COL9A3: variants seen among roughly 807,000 people sequenced by gnomAD.
The protein encoded by COL9A3 is collagen alpha-3(IX) chain.
Under a neutral mutation model 110.2 loss-of-function variants are expected in COL9A3, and 82 were observed. That is an observed-to-expected ratio of 0.74 (90% CI 0.62 to 0.89). The LOEUF is 0.89. Ranked by LOEUF, COL9A3 falls within the 40% of genes least tolerant of loss-of-function variation. COL9A3 has a pLI of 0.00. For missense variants in COL9A3, 1,066 were observed against 981.3 expected (o/e 1.09, Z -1.15); for synonymous variants, 494 against 403.8 (o/e 1.22, Z -2.68).
intron 26 of COL9A3, among the ~76,000 whole-genome samples, chr20:62,835,120 C>T (rs2063625323): frequency 1.3e-5 from 2 of 152,372 alleles, no homozygotes; most frequent in Non-Finnish European, 2.9e-5. Flanking sequence ...CCCTCCTGGC[C>T]TCCGCGGAGC....
Position 62,841,123 on chromosome 20 carries a change from A to C in COL9A3, c.*391A>C. On this transcript the variant is annotated 3_prime_UTR_variant, in exon 32 of 32. Transcript: ENST00000649368. ...AATGACTGGCTACAGAGTAACAAAA[A>C]ATAAAGAATTTAATGTACAGTAAAT... 4.5e-6 allele frequency: 1 copy of C among 221,270 alleles called. No homozygotes were observed. The allele number at this position is 221,270 out of a possible 1,614,324, so 13.7% of individuals were successfully genotyped here.
intron 31 of COL9A3, among the ~76,000 whole-genome samples, 168 bp downstream of exon 31, chr20:62,838,929 A>G (rs2063654644): frequency 6.6e-6 from 1 of 152,170 alleles, no homozygotes; most frequent in African/African-American, 2.4e-5. Flanking sequence ...TTTAATACAT[A>G]AAAGTTTAAT....
At chr20:62,837,566 T>C (rs1273656280) in intron 30 of COL9A3, among the ~76,000 whole-genome samples, 1 of 151,956 alleles carries the variant, frequency 6.6e-6, no homozygotes, top group African/African-American at 2.4e-5. Flanking sequence ...CCCAACACTT[T>C]GGGGGGCTGA....
chr20:62,829,595 A>C (rs2063579845), intron 20 of COL9A3, 33 bp from the exon 21 acceptor site: 2 of 1,610,520 alleles, frequency 1.2e-6, no homozygotes, highest in East Asian at 4.5e-5. Flanking sequence ...GTGCAGGTGT[A>C]GGCAGGCACT....
rs2063601999 is a variant in COL9A3 at position 62,832,166 on chromosome 20, G to A, written c.1300G>A (p.Ala434Thr). Residue 434 changes from alanine (A) to threonine (T), a missense_variant, in exon 25 of 32, where the codon GCC becomes ACC. Coordinates refer to ENST00000649368, the MANE Select transcript of COL9A3 (RefSeq NM_001853.4). ...GDVGDRGPGG[A>T]AGPKGDQGIA... ...TCTCCACATCCAGGGTCCGGGAGGT[G>A]CCGCAGGCCCTAAGGGAGACCAGGT... is the stretch of plus-strand genomic sequence containing the variant. The A allele has an allele frequency of 6.2e-7, 1 of 1,613,020 alleles. No homozygotes were observed. The highest frequency in any genetic ancestry group is 8.5e-7 in the Non-Finnish European group (1 of 1,179,834).
At chr20:62,817,468 C>T in intron 1 of COL9A3, 99 bp from the exon 2 acceptor site, 3 of 843,946 alleles carry the variant, frequency 3.6e-6, no homozygotes, top group African/African-American at 1.8e-5. Context: ...GAGCGGCGGT[C>T]GTCGCAGGCC....
chr20:62,817,514 G>C, intron 1 of COL9A3, 53 bp from the exon 2 acceptor site: 1 of 1,307,400 alleles, frequency 7.6e-7, no homozygotes. Context: ...AGGGGACGCC[G>C]GGTCAGGCCC....
Position 62,829,490 on chromosome 20 carries a change from G to A in COL9A3, c.1044G>A (p.Lys348=), listed in dbSNP as rs770727085. ...GACGAGCGGGGTCCAAAGGCGAGAA[G>A]GGAGAACGGGTATGTGGCTGCAGCC... ...LPGRAGSKGE[K]GERGRAGELG... The change falls in exon 20 of 32, where the codon AAG becomes AAA. Residue 348 remains lysine (K), a synonymous_variant. Coordinates refer to ENST00000649368, the MANE Select transcript of COL9A3 (RefSeq NM_001853.4). 9 of 1,612,814 alleles carry A rather than the reference G, an allele frequency of 5.6e-6. No homozygotes were observed. In the African/African-American group the frequency reaches 9.3e-5, roughly 17 times the overall value.
intron 21 of COL9A3, 40 bp downstream of exon 21, chr20:62,829,721 C>T: frequency 6.3e-7 from 1 of 1,599,366 alleles, no homozygotes; most frequent in Non-Finnish European, 8.5e-7. Context: ...CCCATCCAGC[C>T]TGTGTGCAGA....
chr20:62,831,293 C>G (rs2063595479), intron 24 of COL9A3: 1 of 152,330 alleles, frequency 6.6e-6, no homozygotes, highest in South Asian at 2.1e-4. Flanking sequence ...CCCCAGCTCA[C>G]TGGAAGGAGC....
intron 11 of COL9A3, 118 bp downstream of exon 11, chr20:62,824,619 C>T (rs2063536166): frequency 9.2e-7 from 1 of 1,088,468 alleles, no homozygotes. Context: ...TCCAGGGTTG[C>T]CCCAGGAAGA....
chr20:62,840,593 G>A lies in COL9A3; in HGVS notation c.1916G>A (p.Gly639Asp). ...AAGGACGGCCAGGACGGTGCTCCCG[G>A]CGAGCCTGGGCCTCCCGGAGATCCT... ...TSKDGQDGAP[G>D]EPGPPGDPGL... Residue 639 changes from glycine (G) to aspartate (D), a missense_variant, in exon 32 of 32, where the codon GGC becomes GAC. Transcript: ENST00000649368. 6.2e-7 allele frequency: 1 copy of A among 1,612,976 alleles called. No individual in the cohort carries two copies. Among genetic ancestry groups the A allele is most frequent in the Admixed American group, 1.7e-5 (1 of 60,006 alleles).
rs1395677756 is a variant in COL9A3 at position 62,822,481 on chromosome 20, C to T, written c.478-110C>T. ...GGACAGGATGAAGGGTCTCCAAGTC[C>T]CCTGGTGGATGGGGAAGGTTGTGGT... On this transcript the variant is annotated intron_variant, in intron 9 of 31. Coordinates refer to ENST00000649368, the MANE Select transcript of COL9A3 (RefSeq NM_001853.4). 4.3e-5 allele frequency: 45 copies of T among 1,043,900 alleles called. No individual in the cohort carries two copies. The East Asian group carries it at 1.4e-3, about 33-fold the overall frequency. 64.7% of individuals were successfully genotyped at this position (1,043,900 alleles called of 1,614,324 possible). A position where few individuals can be genotyped will look rare whatever the true frequency, so the allele number is the denominator to read the frequency against.
chr20:62,826,917 C>T (rs553840186), intron 15 of COL9A3, 97 bp downstream of exon 15: 21 of 1,366,446 alleles, frequency 1.5e-5, no homozygotes, highest in Admixed American at 2.0e-5. Flanking sequence ...TGGGGCCCCT[C>T]TTCTGTGGCT....
intron 22 of COL9A3, among the ~76,000 whole-genome samples, chr20:62,830,113 AG>A (rs1457639376): frequency 2.0e-5 from 3 of 152,120 alleles, no homozygotes; most frequent in Non-Finnish European, 4.4e-5. Flanking sequence ...GGGGGGAGCC[AG>A]GGGCATGGGT....
In COL9A3 at chr20:62,835,943, C is replaced by T; in HGVS notation, c.1391C>T (p.Pro464Leu). 1 of 1,614,172 alleles carries T rather than the reference C, an allele frequency of 6.2e-7. No individual in the cohort carries two copies. The highest frequency in any genetic ancestry group is 8.5e-7 in the Non-Finnish European group (1 of 1,180,030). ...CAGGGTCCCAGCGGCCTGGTCGGAC[C>T]CAAAGGAGAGGTGAGTGCCCGGCGA... ...GELGPSGLVG[P>L]KGESGSRGEL... is the part of the protein sequence containing the mutation. The change falls in exon 27 of 32, where the codon CCC (proline) becomes CTC (leucine). Residue 464 changes from proline to leucine, a missense_variant. By Grantham distance (98) the Pro-to-Leu change is moderately conservative. Coordinates refer to ENST00000649368, the MANE Select transcript of COL9A3 (RefSeq NM_001853.4).
Position 62,824,496 on chromosome 20 carries a change from T to C in COL9A3, c.571T>C (p.Phe191Leu). Reference protein sequence around the residue: ...GPPGPPGMPGFKGPTGYKGEQ... With the variant: ...GPPGPPGMPGLKGPTGYKGEQ... ...CCCAGGGCCCCCTGGAATGCCAGGG[T>C]TCAAGGTGAGTCACGGGTGACTGGG... Residue 191 changes from phenylalanine to leucine, a missense_variant, in exon 11 of 32, where the codon TTC becomes CTC. Coordinates refer to ENST00000649368, the MANE Select transcript of COL9A3 (RefSeq NM_001853.4). The C allele has an allele frequency of 6.3e-7, 1 of 1,594,976 alleles. No homozygotes were observed. The highest frequency in any genetic ancestry group is 1.1e-5 in the South Asian group (1 of 88,228).
rs764568998 is a variant in COL9A3 at position 62,836,171 on chromosome 20, C to T, written c.1402-16C>T. 1.9e-6 allele frequency: 3 copies of T among 1,612,540 alleles called. No individual in the cohort carries two copies. The highest frequency in any genetic ancestry group is 1.1e-5 in the South Asian group (1 of 90,998). On this transcript the variant is annotated splice_polypyrimidine_tract_variant and intron_variant, in intron 27 of 31. Transcript: ENST00000649368. ...CTGGGCTCGCCCCTGACCCACCTTC[C>T]TCTGTTCCTCTGCAGTCTGGCAGTC...
At chr20:62,830,650 CCACCCCCAT>C in intron 24 of COL9A3, 62 bp downstream of exon 24, 1 of 897,488 alleles carries the variant, frequency 1.1e-6, no homozygotes, top group Non-Finnish European at 1.6e-6. Flanking sequence ...CCACAGTCCC[CCACCCCCAT>C]GACAGTCCCC....
Sources: gnomAD v4.1 joint callset for allele counts (sites outside exome capture counted in the v4.1 genomes callset) on GRCh38, gnomAD v4.1.1 for gene constraint, MANE v1.5 for transcripts, NCBI Gene and HGNC (gene_info 2026-07-23, HGNC 2026-07-21) for gene names.